ABLIM2: variants seen among roughly 807,000 people sequenced by gnomAD.
ABLIM2 encodes the protein actin-binding LIM protein 2.
ABLIM2 carries 53 observed loss-of-function variants against 97.7 expected under a neutral mutation model. That is an observed-to-expected ratio of 0.54 (90% CI 0.44 to 0.68). The LOEUF (loss-of-function observed/expected upper bound fraction) is 0.68, where lower values mean the gene tolerates loss of function less well. Ranked by LOEUF, ABLIM2 falls within the 30% of genes least tolerant of loss-of-function variation. The pLI, the probability that ABLIM2 is intolerant of heterozygous loss-of-function variation, is 0.00. For synonymous variants in ABLIM2, 361 were observed against 345.8 expected, an observed-to-expected ratio of 1.04 and a Z score of -0.49; for missense variants, 835 against 867.2, an observed-to-expected ratio of 0.96 and a Z score of 0.47.
intron 8 of ABLIM2, among the ~76,000 whole-genome samples, chr4:8,050,847 G>A (rs1009889351): frequency 3.3e-5 from 5 of 152,220 alleles, no homozygotes; most frequent in African/African-American, 1.2e-4. Context: ...CTCAGCCTGC[G>A]CCGCCTCCTC....
chr4:8,137,936 A>C (rs1278595332), intron 1 of ABLIM2, among the ~76,000 whole-genome samples: 1 of 152,270 alleles, frequency 6.6e-6, no homozygotes, highest in Non-Finnish European at 1.5e-5. Flanking sequence ...CGGCAAATGA[A>C]CTGATAAACA....
At chr4:8,110,518 C>T (rs1292731631) in intron 1 of ABLIM2, among the ~76,000 whole-genome samples, 1 of 152,156 alleles carries the variant, frequency 6.6e-6, no homozygotes, top group African/African-American at 2.4e-5. Flanking sequence ...GATGCCAGGA[C>T]CATGAGCAAT....
chr4:8,036,008 G>T, intron 10 of ABLIM2, 141 bp downstream of exon 10: 1 of 1,054,746 alleles, frequency 9.5e-7, no homozygotes, highest in Non-Finnish European at 1.3e-6. Context: ...TCTGATGGGC[G>T]TGAAGAGGCT....
chr4:8,020,370 G>A, intron 12 of ABLIM2, 67 bp from the exon 13 acceptor site: 3 of 1,396,988 alleles, frequency 2.1e-6, no homozygotes, highest in East Asian at 2.4e-5. Flanking sequence ...AATATTTCAA[G>A]CATGAAAAGC....
chr4:8,041,195 C>T (rs891202634), intron 9 of ABLIM2, among the ~76,000 whole-genome samples: 4 of 152,246 alleles, frequency 2.6e-5, no homozygotes, highest in African/African-American at 9.6e-5. Flanking sequence ...CTTTGCCCAC[C>T]AACATCCCTT....
At position 8,077,125 on chromosome 4, in the gene ABLIM2, C is replaced by T. The variant is rs150614989; in HGVS notation, c.675+503G>A. ...ATGGGATTTATCTTATTGAACAAAA[C>T]GCAGAAAAGGGCATAATGTGTAATT... On this transcript the variant is annotated intron_variant, in intron 6 of 20. Transcript: ENST00000447017. Among the ~76,000 whole-genome samples the T allele has an allele frequency of 4.6e-5, 7 of 152,162 alleles. No homozygotes were observed. The East Asian group carries it at 7.7e-4, about 17-fold the overall frequency.
intron 1 of ABLIM2, among the ~76,000 whole-genome samples, chr4:8,135,471 T>C (rs1334572901): frequency 6.6e-6 from 1 of 152,170 alleles, no homozygotes; most frequent in Non-Finnish European, 1.5e-5. Context: ...TGTGGAAGCT[T>C]CATGAATGGG....
At chr4:8,101,967 C>T (rs992848532) in intron 2 of ABLIM2, among the ~76,000 whole-genome samples, 10 of 152,180 alleles carry the variant, frequency 6.6e-5, no homozygotes, top group South Asian at 2.1e-4. Context: ...TCATCCCAGC[C>T]GCCATTGGCT....
Position 8,148,332 on chromosome 4 carries a change from G to A in ABLIM2, c.10+10348C>T, listed in dbSNP as rs1156657045. Among the ~76,000 whole-genome samples the A allele has an allele frequency of 6.6e-6, 1 of 152,174 alleles. No homozygotes were observed. The highest frequency in any genetic ancestry group is 2.4e-5 in the African/African-American group (1 of 41,434). ...GACCTAAGCAGCACTGTGGGCCTGC[G>A]GAGGCCTCCCCACTGGATTCCAGAG... On this transcript the variant is annotated intron_variant, in intron 1 of 20. Coordinates refer to ENST00000447017, the MANE Select transcript of ABLIM2 (RefSeq NM_001130083.2). This position sits in a 1 kb window ranked among gnomAD's most constrained non-coding sequence, Gnocchi z 6.7.
intron 18 of ABLIM2, among the ~76,000 whole-genome samples, chr4:7,984,114 C>T (rs1280004279): frequency 7.3e-6 from 1 of 137,656 alleles, no homozygotes; most frequent in African/African-American, 2.7e-5. Flanking sequence ...GCACACAGAA[C>T]CCACAGAAAG....
At chr4:8,096,905 C>T (rs561050464) in intron 3 of ABLIM2, among the ~76,000 whole-genome samples, 194 bp downstream of exon 3, 68 of 152,326 alleles carry the variant, frequency 4.5e-4, no homozygotes, top group African/African-American at 1.6e-3. Flanking sequence ...CCTGCCCTCA[C>T]GGAGCTCCCT....
intron 3 of ABLIM2, among the ~76,000 whole-genome samples, chr4:8,093,796 G>C (rs1390638390): frequency 6.6e-6 from 1 of 152,106 alleles, no homozygotes; most frequent in Admixed American, 6.5e-5. Flanking sequence ...TTTAGCACTG[G>C]TTTTCAGCAA....
Position 8,095,104 on chromosome 4 carries a change from C to CCTTTTCTTT in ABLIM2, c.338+1986_338+1994dup, listed in dbSNP as rs1453419624. 4.3e-5 allele frequency among the ~76,000 whole-genome samples: 6 copies of CCTTTTCTTT among 141,156 alleles called. No individual in the cohort carries two copies. The highest frequency in any genetic ancestry group is 9.3e-5 in the Non-Finnish European group (6 of 64,460). The allele number at this position is 141,156 out of a possible 152,430, so 92.6% of individuals were successfully genotyped here. On this transcript the variant is annotated intron_variant, in intron 3 of 20. Transcript: ENST00000447017. The surrounding 1 kb of genome is among the most constrained non-coding windows in gnomAD (Gnocchi z 4.7). ...TCTCTCTCTTTCTTTCTTTCTCTTT[C>CCTTTTCTTT]CTTTTCTTTCTTTTCTTTCTACAGG... is the stretch of plus-strand genomic sequence containing the variant.
In ABLIM2 at chr4:8,148,749, C is replaced by G. The variant is rs1382349848; in HGVS notation, c.10+9931G>C. ...AGGAACTCAGAGTCGGAAAGATCCT[C>G]TAGGACAAGCCCAACCCCAACAGAG... is the stretch of plus-strand genomic sequence containing the variant. On this transcript the variant is annotated intron_variant, in intron 1 of 20. Transcript: ENST00000447017. The surrounding 1 kb of genome is among the most constrained non-coding windows in gnomAD (Gnocchi z 6.7). Among the ~76,000 whole-genome samples the G allele has an allele frequency of 6.6e-6, 1 of 152,208 alleles. No homozygotes were observed. The highest frequency in any genetic ancestry group is 1.5e-5 in the Non-Finnish European group (1 of 68,028).
chr4:8,079,407 G>C (rs1325742974), intron 5 of ABLIM2, among the ~76,000 whole-genome samples: 1 of 152,186 alleles, frequency 6.6e-6, no homozygotes, highest in Non-Finnish European at 1.5e-5. Context: ...GCCTGCACGG[G>C]GCTGGGCATT....
intron 14 of ABLIM2, among the ~76,000 whole-genome samples, chr4:8,017,467 T>C (rs1452612209): frequency 6.6e-6 from 1 of 151,900 alleles, no homozygotes; most frequent in East Asian, 1.9e-4. Flanking sequence ...TTTTGTATTT[T>C]AGTAGAGATG....
In ABLIM2 at chr4:8,009,118, C is replaced by G; in HGVS notation, c.1424-16G>C. On this transcript the variant is annotated splice_polypyrimidine_tract_variant and intron_variant, in intron 14 of 20. Transcript: ENST00000447017. ...CGCCTGGCAGCTGGAAGGGAAAAATCCATTTGTAAAGGCCACACACCATTG... is the reference window on the plus strand; with the variant it reads ...CGCCTGGCAGCTGGAAGGGAAAAATGCATTTGTAAAGGCCACACACCATTG... 1 of 1,614,014 alleles carries G rather than the reference C, an allele frequency of 6.2e-7. No individual in the cohort carries two copies. The highest frequency in any genetic ancestry group is 8.5e-7 in the Non-Finnish European group (1 of 1,179,880).
At chr4:8,099,696 T>G (rs958675840) in intron 2 of ABLIM2, among the ~76,000 whole-genome samples, 1 of 151,866 alleles carries the variant, frequency 6.6e-6, no homozygotes, top group African/African-American at 2.4e-5. Context: ...ATACAAAAAA[T>G]TATCCGGGCG....
At position 8,122,707 on chromosome 4, in the gene ABLIM2, TACTTGCCACTTTAGTCC is replaced by T. The variant is rs1224446833; in HGVS notation, c.11-16087_11-16071del. On this transcript the variant is annotated intron_variant, in intron 1 of 20. Transcript: ENST00000447017. The surrounding 1 kb of genome is among the most constrained non-coding windows in gnomAD (Gnocchi z 4.1). ...CCATCCACTGTCAGACCCTACATGG[TACTTGCCACTTTAGTCC>T]ACTTGCCACTTTAGTTCTTTTCATC... 2.0e-5 allele frequency among the ~76,000 whole-genome samples: 3 copies of T among 152,278 alleles called. No individual in the cohort carries two copies. The highest frequency in any genetic ancestry group is 2.9e-5 in the Non-Finnish European group (2 of 68,018).
Sources: allele counts gnomAD v4.1 joint callset (sites outside exome capture counted in the v4.1 genomes callset), GRCh38; gene constraint gnomAD v4.1.1; non-coding constraint Gnocchi (gnomAD v3.1); transcripts MANE v1.5; gene names NCBI Gene and HGNC (gene_info 2026-07-23, HGNC 2026-07-21).